SGCD: variants seen among roughly 807,000 people sequenced by gnomAD.
SGCD encodes the protein delta-sarcoglycan.
SGCD carries 18 observed loss-of-function variants against 36.6 expected under a neutral mutation model. The observed-to-expected ratio is 0.49, with a 90% confidence interval of 0.34 to 0.73. SGCD has a LOEUF of 0.73. Ranked by LOEUF, SGCD falls within the 30% of genes least tolerant of loss-of-function variation. The pLI, the probability that SGCD is intolerant of heterozygous loss-of-function variation, is 0.01. For missense variants in SGCD, 387 were observed against 346.7 expected, an observed-to-expected ratio of 1.12 and a Z score of -0.92; for synonymous variants, 133 against 130.6, an observed-to-expected ratio of 1.02 and a Z score of -0.12.
Position 156,577,628 on chromosome 5 carries a change from T to C in SGCD, c.295-11603T>C, listed in dbSNP as rs2113318063. ...TTGTAGTTCTCCTTGAAGAGGTCCTTCACATCCCTTGTAAATTGGATTTCT... is the reference window on the plus strand; with the variant it reads ...TTGTAGTTCTCCTTGAAGAGGTCCTCCACATCCCTTGTAAATTGGATTTCT... On this transcript the variant is annotated intron_variant, in intron 4 of 8. Coordinates refer to ENST00000337851, the MANE Select transcript of SGCD (RefSeq NM_000337.6). 2.0e-5 allele frequency among the ~76,000 whole-genome samples: 3 copies of C among 152,328 alleles called. 1 individual carries two copies. The Middle Eastern group carries it at 0.01, about 518-fold the overall frequency.
chr5:156,261,037 A>C (rs919357054), intron 3 of SGCD, among the ~76,000 whole-genome samples: 10 of 152,054 alleles, frequency 6.6e-5, no homozygotes, highest in African/African-American at 2.4e-4. Context: ...GTTTTATCTA[A>C]ATTATATGTT....
At chr5:156,188,144 T>A (rs1447640424) in intron 3 of SGCD, among the ~76,000 whole-genome samples, 1 of 152,178 alleles carries the variant, frequency 6.6e-6, no homozygotes, top group East Asian at 1.9e-4. Flanking sequence ...GAGATTCTGA[T>A]GCTGGTGGAG....
At chr5:156,157,078 A>T (rs777385652) in intron 3 of SGCD, among the ~76,000 whole-genome samples, 2 of 151,708 alleles carry the variant, frequency 1.3e-5, no homozygotes, top group Non-Finnish European at 2.9e-5. Flanking sequence ...GAAGAATGAG[A>T]TATGTCACAC....
intron 1 of SGCD, among the ~76,000 whole-genome samples, chr5:155,965,917 T>A (rs1326843226): frequency 6.6e-6 from 1 of 152,098 alleles, no homozygotes; most frequent in African/African-American, 2.4e-5. Context: ...TGGGGCTGCA[T>A]CACTACATCT....
At chr5:156,070,592 C>CT (rs1465244206) in intron 1 of SGCD, among the ~76,000 whole-genome samples, 2 of 151,828 alleles carry the variant, frequency 1.3e-5, no homozygotes, top group African/African-American at 4.9e-5. Flanking sequence ...CTAAAATTCT[C>CT]TTTTTTGGTT....
At chr5:156,149,071 G>A (rs1581130628) in intron 3 of SGCD, among the ~76,000 whole-genome samples, 2 of 152,254 alleles carry the variant, frequency 1.3e-5, no homozygotes, top group South Asian at 4.2e-4. Context: ...ACATTCATCA[G>A]AATTTTAATA....
intron 3 of SGCD, among the ~76,000 whole-genome samples, chr5:156,279,984 AACACACAC>A (rs141892026): frequency 6.7e-6 from 1 of 148,546 alleles, no homozygotes; most frequent in Non-Finnish European, 1.5e-5. Flanking sequence ...CACACATACA[AACACACAC>A]ACACACACAC....
chr5:156,474,364 T>C lies in SGCD; in HGVS notation c.193-34237T>C, dbSNP rs533999273. 2.0e-4 allele frequency among the ~76,000 whole-genome samples: 31 copies of C among 152,338 alleles called. No individual in the cohort carries two copies. In the South Asian group the frequency reaches 6.4e-3, roughly 32 times the overall value. The stretch of plus-strand genomic sequence containing the variant: ...GATCTCACCCAGGCACTCTAGGCTG[T>C]GCTATGCACTTATGCGTACCCTTCC... On this transcript the variant is annotated intron_variant, in intron 3 of 8. Coordinates refer to ENST00000337851, the MANE Select transcript of SGCD (RefSeq NM_000337.6).
intron 4 of SGCD, among the ~76,000 whole-genome samples, chr5:156,575,245 C>T (rs1015812980): frequency 6.6e-6 from 1 of 152,210 alleles, no homozygotes; most frequent in African/African-American, 2.4e-5. Flanking sequence ...TGATTGACTT[C>T]ATGGGGAAGA....
chr5:155,938,979 C>A (rs1757270755), intron 1 of SGCD, among the ~76,000 whole-genome samples: 1 of 152,174 alleles, frequency 6.6e-6, no homozygotes, highest in South Asian at 2.1e-4. Context: ...TGTGAAGCTG[C>A]ACTAATAGCC....
At chr5:156,730,322 A>G (rs1581483624) in intron 7 of SGCD, among the ~76,000 whole-genome samples, 1 of 152,092 alleles carries the variant, frequency 6.6e-6, no homozygotes, top group Admixed American at 6.6e-5. Context: ...TTATTTCATC[A>G]CCCAGATATT....
At chr5:156,485,439 G>A (rs915093243) in intron 3 of SGCD, among the ~76,000 whole-genome samples, 23 of 152,176 alleles carry the variant, frequency 1.5e-4, no homozygotes, top group African/African-American at 4.6e-4. Context: ...AAGGCAGGTG[G>A]ATCACCTGAG....
intron 6 of SGCD, among the ~76,000 whole-genome samples, chr5:156,638,400 GGAT>G (rs1221904598): frequency 6.6e-6 from 1 of 152,150 alleles, no homozygotes; most frequent in African/African-American, 2.4e-5. Flanking sequence ...GGGGAGATAT[GGAT>G]GGAGAGCCAC....
rs1473064693 is a variant in SGCD, at chr5:156,141,799, T to C, written c.-44+17780T>C. The stretch of plus-strand genomic sequence containing the variant: ...TTCAATTTTCAAAACTCTAAGAAAA[T>C]AGGAGCTTAAGACATTCTGTAACAG... On this transcript the variant is annotated intron_variant, in intron 3 of 9. Coordinates refer to the SGCD transcript ENST00000517913. 2.0e-5 allele frequency among the ~76,000 whole-genome samples: 3 copies of C among 152,104 alleles called. No individual in the cohort carries two copies. In the East Asian group the frequency reaches 5.8e-4, roughly 29 times the overall value.
chr5:155,832,203 A>G, the SGCD span, among the ~76,000 whole-genome samples: 1 of 152,190 alleles, frequency 6.6e-6, no homozygotes, highest in Non-Finnish European at 1.5e-5. Flanking sequence ...GTGCAAAATG[A>G]GATCCATTGT....
the SGCD span, among the ~76,000 whole-genome samples, chr5:155,738,499 A>G: frequency 1.3e-5 from 2 of 152,184 alleles, no homozygotes; most frequent in Admixed American, 6.5e-5. Flanking sequence ...GTATGCTTCC[A>G]TTGAGCTGCC....
intron 1 of SGCD, among the ~76,000 whole-genome samples, chr5:156,070,051 A>G (rs937876009): frequency 4.6e-5 from 7 of 151,686 alleles, no homozygotes; most frequent in Non-Finnish European, 1.0e-4. Context: ...GGGGTTTTCT[A>G]GATATACAAT....
intron 1 of SGCD, among the ~76,000 whole-genome samples, chr5:155,921,327 G>T (rs1450447561): frequency 1.3e-5 from 2 of 152,126 alleles, no homozygotes; most frequent in African/African-American, 4.8e-5. Context: ...AACACAAAAT[G>T]ACCAAATAGG....
intron 3 of SGCD, among the ~76,000 whole-genome samples, chr5:156,387,718 A>G (rs1401297724): frequency 1.3e-5 from 2 of 152,208 alleles, no homozygotes; most frequent in African/African-American, 2.4e-5. Flanking sequence ...TGCATTTTCA[A>G]TAAGAAAAGA....
Sources: allele counts gnomAD v4.1 joint callset (sites outside exome capture counted in the v4.1 genomes callset), GRCh38; gene constraint gnomAD v4.1.1; transcripts MANE v1.5; gene names NCBI Gene and HGNC (gene_info 2026-07-23, HGNC 2026-07-21).